PTH2R: variants seen among roughly 807,000 people sequenced by gnomAD.
PTH2R encodes the protein parathyroid hormone 2 receptor, also known as PTH2 receptor.
In PTH2R, 59 loss-of-function variants were observed where a neutral mutation model predicts 60.3. The ratio of observed to expected loss-of-function variants is 0.98; its 90% confidence interval spans 0.79 to 1.22. The LOEUF (loss-of-function observed/expected upper bound fraction) is 1.22. Among genes scored for constraint, PTH2R ranks in the 50% most tolerant of loss-of-function variants. PTH2R has a pLI of 0.00. For synonymous variants in PTH2R, 256 were observed against 243.8 expected (o/e 1.05, Z -0.47); for missense variants, 749 against 682.6 (o/e 1.10, Z -1.08).
intron 4 of PTH2R, among the ~76,000 whole-genome samples, chr2:208,439,302 T>C (rs1702137947): frequency 6.6e-6 from 1 of 152,064 alleles, no homozygotes; most frequent in South Asian, 2.1e-4. Flanking sequence ...AATAGAAAAT[T>C]TGAAGAATTG....
chr2:208,460,567 G>T (rs1702614301), intron 9 of PTH2R, among the ~76,000 whole-genome samples: 1 of 152,100 alleles, frequency 6.6e-6, no homozygotes, highest in Non-Finnish European at 1.5e-5. Context: ...AATGCATGTT[G>T]CACTGGACCT....
chr2:208,388,174 G>C (rs746089772), intron 1 of PTH2R, among the ~76,000 whole-genome samples: 2 of 146,704 alleles, frequency 1.4e-5, no homozygotes, highest in Non-Finnish European at 3.0e-5. Context: ...AAATTAGCCG[G>C]GCGTGGTGGC....
chr2:208,373,787 A>G (rs1700745272), intron 1 of PTH2R, among the ~76,000 whole-genome samples: 1 of 152,120 alleles, frequency 6.6e-6, no homozygotes, highest in Non-Finnish European at 1.5e-5. Flanking sequence ...CTGAGCCCTA[A>G]ATGTCTTCTA....
At chr2:208,415,527 C>A (rs1701624030) in intron 1 of PTH2R, among the ~76,000 whole-genome samples, 1 of 152,108 alleles carries the variant, frequency 6.6e-6, no homozygotes, top group African/African-American at 2.4e-5. Flanking sequence ...CAGGGAGAAC[C>A]CATCATGTCA....
At chr2:208,406,065 A>G (rs761242008), upstream of PTH2R, among the ~76,000 whole-genome samples, 67 of 152,274 alleles carry the variant, frequency 4.4e-4, no homozygotes, top group Admixed American at 1.5e-3. Context: ...CCATCTTACA[A>G]TTGAGGAGAT....
intron 9 of PTH2R, among the ~76,000 whole-genome samples, chr2:208,473,653 A>G (rs983283561): frequency 3.9e-5 from 6 of 152,134 alleles, no homozygotes; most frequent in Admixed American, 3.9e-4. Context: ...ATGGGGAGGG[A>G]TGATCTATTC....
At position 208,444,834 on chromosome 2, in the gene PTH2R, T is replaced by C; in HGVS notation, c.800T>C (p.Val267Ala). Residue 267 changes from valine to alanine, a missense_variant, in exon 7 of 13, where the codon GTG becomes GCG. By Grantham distance (64) the Val-to-Ala change is moderately conservative. Transcript: ENST00000272847. ...CTCTACCTGCATAATCTCATCTTTG[T>C]GGCTTTCTTTTCGGACACCAAATAC... The part of the protein sequence containing the change: ...EGLYLHNLIF[V>A]AFFSDTKYLW... 6.2e-7 allele frequency: 1 copy of C among 1,614,046 alleles called. No homozygotes were observed. Among genetic ancestry groups the C allele is most frequent in the South Asian group, 1.1e-5 (1 of 91,066 alleles).
intron 1 of PTH2R, among the ~76,000 whole-genome samples, chr2:208,415,773 A>C (rs1213255948): frequency 6.6e-6 from 1 of 152,242 alleles, no homozygotes; most frequent in Non-Finnish European, 1.5e-5. Flanking sequence ...ATGAGATATC[A>C]CATAACTTCT....
chr2:208,393,548 C>T (rs1409471717), intron 1 of PTH2R, among the ~76,000 whole-genome samples: 1 of 152,182 alleles, frequency 6.6e-6, no homozygotes, highest in Non-Finnish European at 1.5e-5. Context: ...GTTTCCACCT[C>T]TTCCTCACCT....
rs763353751 is a variant in PTH2R at position 208,481,136 on chromosome 2, G to T, written c.1048G>T (p.Val350Phe). The T allele has an allele frequency of 6.2e-7, 1 of 1,610,564 alleles. No individual in the cohort carries two copies. The highest frequency in any genetic ancestry group is 1.7e-5 in the Admixed American group (1 of 59,972). The change falls in exon 10 of 13, where the codon GTT (valine) becomes TTT (phenylalanine). Residue 350 changes from valine to phenylalanine, a missense_variant. Physicochemically the swap from Val to Phe is conservative, Grantham distance 50 (BLOSUM62 -1). Transcript: ENST00000272847. ...TACCAAAATCTGGGAGACCAATGCAGTTGGGCATGACACAAGGAAGCAATA... is the reference window on the plus strand; with the variant it reads ...TACCAAAATCTGGGAGACCAATGCATTTGGGCATGACACAAGGAAGCAATA... ...LATKIWETNA[V>F]GHDTRKQYRK...
intron 1 of PTH2R, among the ~76,000 whole-genome samples, chr2:208,413,639 T>C (rs1230004899): frequency 6.6e-6 from 1 of 152,240 alleles, no homozygotes; most frequent in African/African-American, 2.4e-5. Flanking sequence ...AAATGGAACA[T>C]GTATTATTTT....
At chr2:208,428,370 C>A in intron 2 of PTH2R, 67 bp downstream of exon 2, 1 of 1,143,754 alleles carries the variant, frequency 8.7e-7, no homozygotes, top group Non-Finnish European at 1.3e-6. Context: ...TTGCACATTT[C>A]CCTCCTTCTT....
chr2:208,416,563 A>G (rs1013302258), intron 1 of PTH2R, among the ~76,000 whole-genome samples: 21 of 152,214 alleles, frequency 1.4e-4, no homozygotes, highest in African/African-American at 4.6e-4. Context: ...CTACTTTTTC[A>G]AGCTATCTGC....
At position 208,428,321 on chromosome 2, in the gene PTH2R, A is replaced by T; in HGVS notation, c.178+18A>T. 1.3e-6 allele frequency: 2 copies of T among 1,575,574 alleles called. No individual in the cohort carries two copies. Among genetic ancestry groups the T allele is most frequent in the Non-Finnish European group, 1.7e-6 (2 of 1,147,982 alleles). ...GGAGGGAGGTAAAGATGCCAAGAAA[A>T]TTGGCTCTCCTTGTGCCTCCTATCT... is the stretch of plus-strand genomic sequence containing the variant. On this transcript the variant is annotated intron_variant, in intron 2 of 12. Coordinates refer to ENST00000272847, the MANE Select transcript of PTH2R (RefSeq NM_005048.4).
chr2:208,425,482 T>C (rs1202052992), intron 1 of PTH2R, among the ~76,000 whole-genome samples: 3 of 152,202 alleles, frequency 2.0e-5, no homozygotes, highest in Non-Finnish European at 4.4e-5. Flanking sequence ...ATAATCTACC[T>C]CTTAATTTGC....
At chr2:208,421,812 C>T (rs377642416) in intron 1 of PTH2R, among the ~76,000 whole-genome samples, 1 of 152,058 alleles carries the variant, frequency 6.6e-6, no homozygotes, top group East Asian at 1.9e-4. Context: ...GTTACTTGGC[C>T]CATTCACACT....
At chr2:208,395,342 G>A (rs992221850) in intron 1 of PTH2R, among the ~76,000 whole-genome samples, 1 of 152,032 alleles carries the variant, frequency 6.6e-6, no homozygotes, top group African/African-American at 2.4e-5. Flanking sequence ...CACCACGCCC[G>A]GCCGAGTCTG....
In PTH2R at chr2:208,365,704, T is replaced by C. The variant is rs565203256; in HGVS notation, c.-259+5467T>C. Among the ~76,000 whole-genome samples the C allele has an allele frequency of 1.1e-4, 17 of 151,198 alleles. No homozygotes were observed. In the South Asian group the frequency reaches 3.5e-3, roughly 32 times the overall value. On this transcript the variant is annotated intron_variant, in intron 1 of 12. Transcript: ENST00000617735. ...CCTCAAAGAATGACCTTGGAAGTATTCCTTTCTCTTCAGTTTTTGGGGGAT... is the reference window on the plus strand; with the variant it reads ...CCTCAAAGAATGACCTTGGAAGTATCCCTTTCTCTTCAGTTTTTGGGGGAT...
chr2:208,406,274 T>C (rs577919298), upstream of PTH2R, among the ~76,000 whole-genome samples: 4 of 152,328 alleles, frequency 2.6e-5, no homozygotes, highest in African/African-American at 9.6e-5. Context: ...TTGTCTTTTT[T>C]TAATGCCAGG....
Sources: allele counts gnomAD v4.1 joint callset (sites outside exome capture counted in the v4.1 genomes callset), GRCh38; gene constraint gnomAD v4.1.1; transcripts MANE v1.5; gene names NCBI Gene and HGNC (gene_info 2026-07-23, HGNC 2026-07-21).